MROH1: variants seen among roughly 807,000 people sequenced by gnomAD.
The protein encoded by MROH1 is maestro heat-like repeat-containing protein family member 1.
A neutral mutation model predicts 116.5 loss-of-function variants in MROH1; 117 were observed. The ratio of observed to expected loss-of-function variants is 1.00; its 90% CI spans 0.86 to 1.17. The LOEUF is 1.17. Ranked by LOEUF, MROH1 falls within the 50% of genes most tolerant of loss-of-function variation. MROH1 has a pLI of 0.00. For synonymous variants in MROH1, 921 were observed against 583.9 expected (o/e 1.58, Z -8.32); for missense variants, 1,873 against 1,338.5 (o/e 1.40, Z -6.23).
chr8:144,176,551 AAG>A (rs1491029939), intron 4 of MROH1, among the ~76,000 whole-genome samples: 4 of 150,396 alleles, frequency 2.7e-5, no homozygotes, highest in East Asian at 3.9e-4. Context: ...AAAAAAAAAA[AAG>A]AAATTTGGCC....
At chr8:144,161,129 TTC>T (rs1046504352) in intron 2 of MROH1, 40 bp downstream of exon 2, 3 of 152,562 alleles carry the variant, frequency 2.0e-5, no homozygotes, top group African/African-American at 7.2e-5. Flanking sequence ...CTCCCCGCTC[TTC>T]TGTCTCTTCT....
At chr8:144,207,251 G>C (rs1292202054) in intron 12 of MROH1, among the ~76,000 whole-genome samples, 1 of 151,222 alleles carries the variant, frequency 6.6e-6, no homozygotes, top group Non-Finnish European at 1.5e-5. Context: ...GCAGTGGTGC[G>C]ATCTTGGCTC....
intron 1 of MROH1, among the ~76,000 whole-genome samples, chr8:144,156,447 C>A (rs962443231): frequency 1.3e-5 from 2 of 151,782 alleles, no homozygotes; most frequent in Non-Finnish European, 2.9e-5. Flanking sequence ...TGGCTCACAC[C>A]TATAATCCCA....
chr8:144,149,932 G>A (rs1816322002), intron 1 of MROH1, among the ~76,000 whole-genome samples: 2 of 152,222 alleles, frequency 1.3e-5, no homozygotes, highest in Non-Finnish European at 2.9e-5. Flanking sequence ...TGGTGACTTT[G>A]GAAGTTGATT....
chr8:144,206,906 G>A lies in MROH1; in HGVS notation c.1141+6365G>A, dbSNP rs559777573. The stretch of plus-strand genomic sequence containing the variant: ...AAAAATGCCAGGTGTGGTGGCACAC[G>A]CCTGTAGTTCCAGCTACTCTGGAGG... On this transcript the variant is annotated intron_variant, in intron 12 of 43. Coordinates refer to ENST00000326134, the MANE Select transcript of MROH1 (RefSeq NM_032450.3). Among the ~76,000 whole-genome samples, 15 of 151,294 alleles carry A rather than the reference G, an allele frequency of 9.9e-5. No homozygotes were observed. The East Asian group carries it at 2.0e-3, about 21-fold the overall frequency.
chr8:144,177,727 T>C (rs1824371393), intron 4 of MROH1, among the ~76,000 whole-genome samples: 1 of 152,180 alleles, frequency 6.6e-6, no homozygotes, highest in African/African-American at 2.4e-5. Flanking sequence ...CCTTTGATGC[T>C]GTTCTCATGA....
intron 12 of MROH1, among the ~76,000 whole-genome samples, chr8:144,216,764 G>T (rs967095120): frequency 6.7e-6 from 1 of 149,298 alleles, no homozygotes; most frequent in East Asian, 2.0e-4. Flanking sequence ...ATCTCAGCTC[G>T]CTGCAACTTC....
At chr8:144,181,376 T>C (rs1407612048) in intron 7 of MROH1, among the ~76,000 whole-genome samples, 1 of 141,214 alleles carries the variant, frequency 7.1e-6, no homozygotes, top group Non-Finnish European at 1.5e-5. Flanking sequence ...ATGGAGGGAG[T>C]GGTTACAGGG....
intron 12 of MROH1, among the ~76,000 whole-genome samples, chr8:144,217,467 G>A (rs1271438490): frequency 2.6e-5 from 4 of 152,206 alleles, no homozygotes; most frequent in Non-Finnish European, 4.4e-5. Flanking sequence ...GAAACACATC[G>A]GGTCGCAATC....
In MROH1 at chr8:144,182,893, A is replaced by G. The variant is rs1007920445; in HGVS notation, c.562+2370A>G. On this transcript the variant is annotated intron_variant, in intron 7 of 43. Coordinates refer to ENST00000326134, the MANE Select transcript of MROH1 (RefSeq NM_032450.3). This position sits in a 1 kb window ranked among gnomAD's most constrained non-coding sequence, Gnocchi z 4.1. ...GGAGTTCAAGACCAGTCTGGCCAAC[A>G]TGGCAAAACCCCGTCTCTACTAAAA... Among the ~76,000 whole-genome samples, 19 of 152,190 alleles carry G rather than the reference A, an allele frequency of 1.2e-4. No homozygotes were observed. Among genetic ancestry groups the G allele is most frequent in the African/African-American group, 4.1e-4 (17 of 41,448 alleles).
In MROH1 at chr8:144,239,652, G is replaced by C. The variant is rs1564543376; in HGVS notation, c.1671G>C (p.Gly557=). 2 of 767,922 alleles carry C rather than the reference G, an allele frequency of 2.6e-6. No homozygotes were observed. Among genetic ancestry groups the C allele is most frequent in the East Asian group, 4.9e-5 (2 of 40,736 alleles). The allele number at this position is 767,922 out of a possible 1,614,324, so 47.6% of individuals were successfully genotyped here. The change falls in exon 18 of 44, where the codon GGG becomes GGC. Residue 557 remains glycine, a synonymous_variant. Transcript: ENST00000326134. ...GCCCCTACCTAGGGGACGGACGTGG[G>C]GCAGCGGCGCTGCGCCTCCTCAGTG... The part of the protein sequence containing the change: ...SSSPYLGDGR[G]AAALRLLSVL...
At position 144,155,024 on chromosome 8, in the gene MROH1, G is replaced by A. The variant is rs953835338; in HGVS notation, c.-176-5946G>A. ...GCAGAGATGGGGTTTCACCATGCTA[G>A]CCAGGCTGGTCTTGAACTCCTGACC... is the stretch of plus-strand genomic sequence containing the variant. On this transcript the variant is annotated intron_variant, in intron 1 of 43. Transcript: ENST00000326134. Among the ~76,000 whole-genome samples, 21 of 152,266 alleles carry A rather than the reference G, an allele frequency of 1.4e-4. No individual in the cohort carries two copies. The East Asian group carries it at 4.1e-3, about 29-fold the overall frequency.
chr8:144,160,455 A>C (rs1368273446), intron 1 of MROH1, among the ~76,000 whole-genome samples: 2 of 152,240 alleles, frequency 1.3e-5, no homozygotes, highest in African/African-American at 4.8e-5. Context: ...CCTACAAGGC[A>C]TTTGTCTTAG....
intron 37 of MROH1, among the ~76,000 whole-genome samples, chr8:144,259,644 G>C (rs1011657986): frequency 2.6e-5 from 4 of 152,372 alleles, no homozygotes; most frequent in Admixed American, 6.5e-5. Context: ...GGGACCCCAG[G>C]TGCCCTTGGT....
chr8:144,259,596 C>G (rs930192232), intron 37 of MROH1, among the ~76,000 whole-genome samples: 1 of 152,236 alleles, frequency 6.6e-6, no homozygotes, highest in Non-Finnish European at 1.5e-5. Flanking sequence ...TCCCCAAGTC[C>G]AGCTGGGTAC....
In MROH1 at chr8:144,243,616, G is replaced by A; in HGVS notation, c.2475G>A (p.Met825Ile). The A allele has an allele frequency of 2.6e-6, 2 of 779,284 alleles. No individual in the cohort carries two copies. Among genetic ancestry groups the A allele is most frequent in the Non-Finnish European group, 4.8e-6 (2 of 417,828 alleles). 48.3% of individuals were successfully genotyped at this position (779,284 alleles called of 1,614,324 possible). A position where few individuals can be genotyped will look rare whatever the true frequency, so the allele number is the denominator to read the frequency against. Residue 825 changes from methionine (M) to isoleucine (I), a missense_variant and splice_region_variant, in exon 25 of 44, where the codon ATG (methionine) becomes ATA (isoleucine). Met to Ile is a conservative substitution (Grantham distance 10). Transcript: ENST00000326134. ...TRKAELVAQM[M>I]EFIRAEPPDS... ...AAGCAGAGCTGGTGGCACAGATGAT[G>A]GTGAGCGTGGCCGTGGCCTGGCAGG...
chr8:144,164,142 C>T (rs1486796426), intron 3 of MROH1, among the ~76,000 whole-genome samples: 6 of 150,058 alleles, frequency 4.0e-5, no homozygotes, highest in Non-Finnish European at 8.9e-5. Context: ...CAGTGGCTCA[C>T]GCCTGTAATC....
At chr8:144,247,833 G>A (rs1333295865) in intron 31 of MROH1, among the ~76,000 whole-genome samples, 154 bp downstream of exon 31, 10 of 152,366 alleles carry the variant, frequency 6.6e-5, no homozygotes, top group South Asian at 2.1e-4. Context: ...ATTAGTTGCC[G>A]GCGCTGCCCT....
intron 39 of MROH1, 35 bp from the exon 40 acceptor site, chr8:144,260,642 C>T (rs960561381): frequency 1.3e-5 from 10 of 774,896 alleles, no homozygotes; most frequent in Non-Finnish European, 2.4e-5. Flanking sequence ...AGGGGCACAG[C>T]CTGTGAGGAG....
Sources: allele counts gnomAD v4.1 joint callset (sites outside exome capture counted in the v4.1 genomes callset), GRCh38; gene constraint gnomAD v4.1.1; non-coding constraint Gnocchi (gnomAD v3.1); transcripts MANE v1.5; gene names NCBI Gene and HGNC (gene_info 2026-07-23, HGNC 2026-07-21).